Variants in PTPRN2 observed in about 807,000 individuals in gnomAD.
PTPRN2 encodes the protein protein tyrosine phosphatase receptor type N2, also known as receptor-type tyrosine-protein phosphatase N2.
A neutral mutation model predicts 118.8 loss-of-function variants in PTPRN2; 74 were observed. That is an observed-to-expected ratio of 0.62 (90% CI 0.52 to 0.76). The LOEUF (loss-of-function observed/expected upper bound fraction) is 0.76, where lower values mean the gene tolerates loss of function less well. PTPRN2 is among the 30% of genes least tolerant of loss of function. The probability of loss-of-function intolerance (pLI) is 0.00; values close to 1 mark genes in which losing one functional copy is unlikely to be tolerated. For missense variants in PTPRN2, 1,481 were observed against 1,394.4 expected (o/e 1.06, Z -0.99); for synonymous variants, 641 against 608.0 (o/e 1.05, Z -0.80).
intron 2 of PTPRN2, among the ~76,000 whole-genome samples, chr7:158,341,257 A>T: frequency 6.6e-6 from 1 of 151,796 alleles, no homozygotes; most frequent in Non-Finnish European, 1.5e-5. Flanking sequence ...ACACCTGCAG[A>T]CGTCATTCAC....
chr7:158,198,504 C>T (rs1826391335), intron 4 of PTPRN2, among the ~76,000 whole-genome samples: 1 of 152,194 alleles, frequency 6.6e-6, no homozygotes, highest in Non-Finnish European at 1.5e-5. Flanking sequence ...ACATTACAGG[C>T]CCATCTTATG....
chr7:157,941,458 A>G (rs1800120123), intron 11 of PTPRN2, among the ~76,000 whole-genome samples: 1 of 143,570 alleles, frequency 7.0e-6, no homozygotes, highest in South Asian at 2.3e-4. Context: ...CCACCATGAC[A>G]CTGCAAATAT....
rs113710262 is a variant in PTPRN2, at chr7:158,035,141, G to A, written c.1723+46157C>T. Among the ~76,000 whole-genome samples the A allele has an allele frequency of 3.1e-3, 474 of 152,288 alleles. 5 individuals carry two copies. The highest frequency in any genetic ancestry group is 0.011 in the African/African-American group (451 of 41,566). On this transcript the variant is annotated intron_variant, in intron 11 of 22. Coordinates refer to ENST00000389418, the MANE Select transcript of PTPRN2 (RefSeq NM_002847.5). ...GTGTGGATAGTCAGTGTGTTTACACGCATCGTCACGATAGTGTGTTTACAC... is the reference window on the plus strand; with the variant it reads ...GTGTGGATAGTCAGTGTGTTTACACACATCGTCACGATAGTGTGTTTACAC...
At chr7:157,983,680 A>T (rs2128833793) in intron 11 of PTPRN2, among the ~76,000 whole-genome samples, 1 of 152,300 alleles carries the variant, frequency 6.6e-6, no homozygotes, top group East Asian at 1.9e-4. Flanking sequence ...GTGTGTGCAC[A>T]CGTGAGCTTG....
At chr7:157,896,628 C>A (rs1471187814) in intron 12 of PTPRN2, among the ~76,000 whole-genome samples, 1 of 151,764 alleles carries the variant, frequency 6.6e-6, no homozygotes, top group Non-Finnish European at 1.5e-5. Flanking sequence ...GTCCCCCAGG[C>A]TCACGTGTGC....
intron 11 of PTPRN2, among the ~76,000 whole-genome samples, chr7:158,061,317 G>A (rs559482633): frequency 5.3e-5 from 8 of 152,360 alleles, no homozygotes; most frequent in Admixed American, 6.5e-5. Context: ...CTGAGTCCAC[G>A]CAGGGATGAA....
At position 157,903,089 on chromosome 7, in the gene PTPRN2, C is replaced by T. The variant is rs1797561227; in HGVS notation, c.1724-4352G>A. ...AGAAAGCCACACGCTGCCACACACT[C>T]TCACACGGAAGCAGGAACCAGACAT... is the stretch of plus-strand genomic sequence containing the variant. On this transcript the variant is annotated intron_variant, in intron 11 of 22. Transcript: ENST00000389418. This position sits in a 1 kb window ranked among gnomAD's most constrained non-coding sequence, Gnocchi z 4.2. Among the ~76,000 whole-genome samples the T allele has an allele frequency of 6.6e-6, 1 of 152,186 alleles. No homozygotes were observed.
chr7:158,195,815 C>T (rs1188561414), intron 4 of PTPRN2, among the ~76,000 whole-genome samples: 1 of 152,158 alleles, frequency 6.6e-6, no homozygotes, highest in Admixed American at 6.5e-5. Flanking sequence ...CATTTTCCTG[C>T]TCCTTTTCAT....
chr7:158,319,251 T>C (rs1020801466), intron 2 of PTPRN2, among the ~76,000 whole-genome samples: 2 of 152,306 alleles, frequency 1.3e-5, no homozygotes, highest in African/African-American at 4.8e-5. Context: ...AGACTATCCC[T>C]GTGCTGAATG....
In PTPRN2 at chr7:157,671,668, G is replaced by A. The variant is rs957243531; in HGVS notation, c.2001+11057C>T. Among the ~76,000 whole-genome samples the A allele has an allele frequency of 1.3e-5, 2 of 152,272 alleles. No individual in the cohort carries two copies. Among genetic ancestry groups the A allele is most frequent in the African/African-American group, 4.8e-5 (2 of 41,562 alleles). ...CCAAAGGAAGGGCAGGGGCATGCGG[G>A]CTGGGGGCGGAGCGGCTACTGGAGC... is the stretch of plus-strand genomic sequence containing the variant. On this transcript the variant is annotated intron_variant, in intron 13 of 22. Transcript: ENST00000389418. This position sits in a 1 kb window ranked among gnomAD's most constrained non-coding sequence, Gnocchi z 4.1.
In PTPRN2 at chr7:157,755,612, G is replaced by C. The variant is rs1801734426; in HGVS notation, c.1789-72675C>G. On this transcript the variant is annotated intron_variant, in intron 12 of 22. Coordinates refer to ENST00000389418, the MANE Select transcript of PTPRN2 (RefSeq NM_002847.5). ...AGCTGGAGGCCATGATCCTAAGCAA[G>C]CTAATGCAGAAACAGAAAACCAAAT... Among the ~76,000 whole-genome samples, 3 of 152,254 alleles carry C rather than the reference G, an allele frequency of 2.0e-5. No homozygotes were observed. The South Asian group carries it at 6.2e-4, about 32-fold the overall frequency.
chr7:158,580,736 T>A (rs568002509), intron 1 of PTPRN2, among the ~76,000 whole-genome samples: 2 of 152,328 alleles, frequency 1.3e-5, no homozygotes, highest in Non-Finnish European at 2.9e-5. Context: ...AGAGCTCACT[T>A]CTTTGGTGTT....
chr7:158,462,216 G>A (rs1819059518), intron 2 of PTPRN2, among the ~76,000 whole-genome samples: 1 of 152,206 alleles, frequency 6.6e-6, no homozygotes, highest in South Asian at 2.1e-4. Flanking sequence ...AGGAGTTTGG[G>A]TGAGCTTGTT....
At chr7:158,171,923 A>T (rs551411272) in intron 5 of PTPRN2, among the ~76,000 whole-genome samples, 3 of 152,206 alleles carry the variant, frequency 2.0e-5, no homozygotes, top group Admixed American at 6.5e-5. Flanking sequence ...TTTCCAGTAC[A>T]GGCGATGGAC....
chr7:158,163,559 C>A (rs113147816), intron 6 of PTPRN2, among the ~76,000 whole-genome samples: 1 of 146,176 alleles, frequency 6.8e-6, no homozygotes, highest in Admixed American at 6.8e-5. Flanking sequence ...TCATAGGTGA[C>A]GCCTGTACGG....
rs1563555647 is a variant in PTPRN2 at position 158,171,304 on chromosome 7, CACACATATAT to C, written c.550-4023_550-4014del. 5.0e-3 allele frequency among the ~76,000 whole-genome samples: 139 copies of C among 28,064 alleles called. 3 individuals are homozygous for C. The highest frequency in any genetic ancestry group is 0.01 in the East Asian group (3 of 298). The allele number at this position is 28,064 out of a possible 152,430, so 18.4% of individuals were successfully genotyped here. On this transcript the variant is annotated intron_variant, in intron 5 of 22. Transcript: ENST00000389418. ...ACATATATATACACACATATATATA[CACACATATAT>C]ATATATATATATATATATATATATA...
At chr7:158,340,350 G>A (rs1806438534) in intron 2 of PTPRN2, among the ~76,000 whole-genome samples, 2 of 99,380 alleles carry the variant, frequency 2.0e-5, no homozygotes, top group South Asian at 4.0e-4. Context: ...CACCATAAGA[G>A]CTGAGGCCCA....
In PTPRN2 at chr7:158,112,438, T is replaced by C. The variant is rs191811238; in HGVS notation, c.1557-1523A>G. 3.3e-3 allele frequency among the ~76,000 whole-genome samples: 495 copies of C among 152,108 alleles called. 3 individuals are homozygous for C. Among genetic ancestry groups the C allele is most frequent in the African/African-American group, 9.5e-3 (394 of 41,500 alleles). ...ACAGAGCAGCTGGGTGGACATGGCC[T>C]GGAGACGAGTGCAGGAGGCCGTCAG... is the stretch of plus-strand genomic sequence containing the variant. On this transcript the variant is annotated intron_variant, in intron 9 of 22. Transcript: ENST00000389418.
intron 11 of PTPRN2, among the ~76,000 whole-genome samples, chr7:158,063,963 G>GACACACACTACATACAATCACTC (rs1810562480): frequency 2.0e-5 from 3 of 152,184 alleles, no homozygotes; most frequent in Admixed American, 1.3e-4. Flanking sequence ...CTCAGTGAGA[G>GACACACACTACATACAATCACTC]ACACACACTA....
Sources: allele counts gnomAD v4.1 joint callset (sites outside exome capture counted in the v4.1 genomes callset), GRCh38; gene constraint gnomAD v4.1.1; non-coding constraint Gnocchi (gnomAD v3.1); transcripts MANE v1.5; gene names NCBI Gene and HGNC (gene_info 2026-07-23, HGNC 2026-07-21).